CFAP206: variants seen among roughly 807,000 people sequenced by gnomAD.
The protein encoded by CFAP206 is cilia and flagella associated protein 206, also known as cilia- and flagella-associated protein 206.
A neutral mutation model predicts 65.4 loss-of-function variants in CFAP206; 53 were observed. The observed-to-expected ratio is 0.81, with a 90% CI of 0.65 to 1.02. The LOEUF (loss-of-function observed/expected upper bound fraction) is 1.02, where lower values mean the gene tolerates loss of function less well. Ranked by LOEUF, CFAP206 falls within the 50% of genes least tolerant of loss-of-function variation. The pLI, the probability that CFAP206 is intolerant of heterozygous loss-of-function variation, is 0.00. For synonymous variants in CFAP206, 250 were observed against 254.4 expected (o/e 0.98, Z 0.17); for missense variants, 663 against 753.2 (o/e 0.88, Z 1.40).
At position 87,423,248 on chromosome 6, in the gene CFAP206, A is replaced by T. The variant is rs924216600; in HGVS notation, c.841-3278A>T. Among the ~76,000 whole-genome samples, 16 of 117,422 alleles carry T rather than the reference A, an allele frequency of 1.4e-4. No homozygotes were observed. In the East Asian group the frequency reaches 1.7e-3, roughly 13 times the overall value. 77.0% of individuals were successfully genotyped at this position (117,422 alleles called of 152,430 possible). A position where few individuals can be genotyped will look rare whatever the true frequency, so the allele number is the denominator to read the frequency against. On this transcript the variant is annotated intron_variant, in intron 7 of 12. Transcript: ENST00000369562. ...AATATTTTTTTATTTTTATTTTTTTATTTTTCTTTTTTTTTTTTGAGACGG... is the reference window on the plus strand; with the variant it reads ...AATATTTTTTTATTTTTATTTTTTTTTTTTTCTTTTTTTTTTTTGAGACGG...
intron 11 of CFAP206, among the ~76,000 whole-genome samples, chr6:87,444,218 C>A (rs1244022416): frequency 6.6e-6 from 1 of 152,034 alleles, no homozygotes; most frequent in African/African-American, 2.4e-5. Context: ...ACGCTAATGG[C>A]AAACCACTGT....
rs781321836 is a variant in CFAP206, at chr6:87,428,626, C to T, written c.961C>T (p.Pro321Ser). ...KIAVPTSQVF[P>S]IFIALSTLWT... Reference sequence around the variant, plus strand: ...TGAATATTTTTTTTCTCTTCCTCAGCCTATCTTCATTGCACTTTCTACTCT... The same window carrying T: ...TGAATATTTTTTTTCTCTTCCTCAGTCTATCTTCATTGCACTTTCTACTCT... The change falls in exon 9 of 13, where the codon CCT becomes TCT. Residue 321 changes from proline (P) to serine (S), a missense_variant and splice_region_variant. Pro to Ser is a moderately conservative substitution (Grantham distance 74). Coordinates refer to ENST00000369562, the MANE Select transcript of CFAP206 (RefSeq NM_001031743.3). The T allele has an allele frequency of 3.7e-6, 6 of 1,613,600 alleles. No homozygotes were observed. Among genetic ancestry groups the T allele is most frequent in the East Asian group, 4.5e-5 (2 of 44,874 alleles).
At chr6:87,411,603 C>G (rs1302141352) in intron 3 of CFAP206, among the ~76,000 whole-genome samples, 1 of 151,882 alleles carries the variant, frequency 6.6e-6, no homozygotes, top group African/African-American at 2.4e-5. Context: ...AGGCCAATGC[C>G]CAGCCCCCTA....
At chr6:87,427,005 GATA>G (rs1245121137) in intron 8 of CFAP206, among the ~76,000 whole-genome samples, 1 of 152,290 alleles carries the variant, frequency 6.6e-6, no homozygotes, top group African/African-American at 2.4e-5. Flanking sequence ...TGAAAAGACA[GATA>G]ATAATCACTT....
intron 7 of CFAP206, chr6:87,425,830 CA>C (rs1053285426): frequency 1.3e-5 from 2 of 154,000 alleles, no homozygotes; most frequent in Non-Finnish European, 2.9e-5. Flanking sequence ...AATGGTTTTC[CA>C]GTTCATTTCA....
intron 11 of CFAP206, among the ~76,000 whole-genome samples, chr6:87,443,696 G>A (rs759699757): frequency 2.0e-5 from 3 of 152,160 alleles, no homozygotes; most frequent in African/African-American, 4.8e-5. Flanking sequence ...GCATGAAGCC[G>A]AGGCTTGGGG....
At chr6:87,433,164 T>C (rs1768187181) in intron 10 of CFAP206, among the ~76,000 whole-genome samples, 2 of 152,234 alleles carry the variant, frequency 1.3e-5, no homozygotes, top group Admixed American at 1.3e-4. Flanking sequence ...CCTCATTTTA[T>C]TCAGCCTTCC....
chr6:87,422,568 G>A (rs1465246619), intron 7 of CFAP206, among the ~76,000 whole-genome samples: 1 of 151,680 alleles, frequency 6.6e-6, no homozygotes, highest in East Asian at 1.9e-4. Flanking sequence ...TGACCAAGAT[G>A]GTGAAACCCC....
intron 11 of CFAP206, among the ~76,000 whole-genome samples, chr6:87,439,812 C>G (rs1225802181): frequency 3.3e-5 from 5 of 151,906 alleles, no homozygotes; most frequent in African/African-American, 1.2e-4. Context: ...CCTCACTGAT[C>G]TACAGTGTCT....
rs1375424388 is a variant in CFAP206, at chr6:87,426,550, GA to G, written c.867del (p.Val290TrpfsTer3). Reference sequence around the variant, plus strand: ...GTCAGATATAATTACTGGTGCTCAAGAAGTGGAAATGATGACAAAACAGTTA... The same window carrying G: ...GTCAGATATAATTACTGGTGCTCAAGAGTGGAAATGATGACAAAACAGTTA... Reference protein sequence around the residue: ...ILSDIITGAQEVEMMTKQLGA... With the variant: ...ILSDIITGAQXVEMMTKQLGA... On this transcript the variant is annotated frameshift_variant, in exon 8 of 13. Transcript: ENST00000369562. LOFTEE classifies it high-confidence loss of function. 1.9e-6 allele frequency: 3 copies of G among 1,588,836 alleles called. No homozygotes were observed. In the African/African-American group the frequency reaches 4.0e-5, roughly 21 times the overall value.
intron 9 of CFAP206, among the ~76,000 whole-genome samples, chr6:87,429,289 T>A (rs983423090): frequency 1.3e-5 from 2 of 150,164 alleles, no homozygotes; most frequent in Non-Finnish European, 1.5e-5. Context: ...ACAGAAAAAA[T>A]GTAAACTGAA....
chr6:87,463,751 C>G (rs563167436), intron 12 of CFAP206, among the ~76,000 whole-genome samples: 93 of 152,120 alleles, frequency 6.1e-4, no homozygotes, highest in African/African-American at 2.2e-3. Flanking sequence ...TAATAAATAA[C>G]TGGTTGAGTT....
rs1254377786 is a variant in CFAP206, at chr6:87,409,751, A to G, written c.-5-84A>G. The G allele has an allele frequency of 6.0e-6, 5 of 835,726 alleles. No homozygotes were observed. The East Asian group carries it at 1.3e-4, about 22-fold the overall frequency. The allele number at this position is 835,726 out of a possible 1,614,324, so 51.8% of individuals were successfully genotyped here. A position where few individuals can be genotyped will look rare whatever the true frequency, so the allele number is the denominator to read the frequency against. On this transcript the variant is annotated intron_variant, in intron 1 of 12. Transcript: ENST00000369562. ...GATGATATTATGACTGTTTACAAATACAATATTGCAGAAATCAAAAGAGGA... is the reference window on the plus strand; with the variant it reads ...GATGATATTATGACTGTTTACAAATGCAATATTGCAGAAATCAAAAGAGGA...
In CFAP206 at chr6:87,460,223, C is replaced by T. The variant is rs541023908; in HGVS notation, c.1495-799C>T. ...AATGTCATGTCCAGCACCATCATGT[C>T]TTGTTTAGCCTGGAATTAGTGAATT... On this transcript the variant is annotated intron_variant, in intron 11 of 12. Transcript: ENST00000369562. Among the ~76,000 whole-genome samples the T allele has an allele frequency of 6.6e-5, 10 of 152,284 alleles. No homozygotes were observed. The South Asian group carries it at 2.1e-3, about 32-fold the overall frequency.
intron 5 of CFAP206, among the ~76,000 whole-genome samples, chr6:87,416,357 AT>A (rs1767829578): frequency 1.3e-5 from 2 of 152,194 alleles, no homozygotes; most frequent in South Asian, 4.1e-4. Flanking sequence ...TTCTTCCATA[AT>A]TATTTTAAAG....
At chr6:87,422,109 A>T (rs566259238) in intron 7 of CFAP206, among the ~76,000 whole-genome samples, 16 of 152,274 alleles carry the variant, frequency 1.1e-4, no homozygotes, top group East Asian at 5.8e-4. Context: ...TTATGATAAA[A>T]TTTTTTTAAG....
intron 11 of CFAP206, among the ~76,000 whole-genome samples, chr6:87,450,159 A>C (rs1046658495): frequency 3.9e-5 from 6 of 152,002 alleles, no homozygotes; most frequent in Non-Finnish European, 7.4e-5. Context: ...TGGGTTCTGT[A>C]TTCTATTCTA....
intron 6 of CFAP206, among the ~76,000 whole-genome samples, chr6:87,417,869 T>C (rs62417641): frequency 2.6e-5 from 4 of 151,404 alleles, no homozygotes; most frequent in Non-Finnish European, 5.9e-5. Flanking sequence ...GATTCTCCTG[T>C]GCTGGGATTA....
chr6:87,441,797 C>A, intron 11 of CFAP206: 1 of 252,918 alleles, frequency 4.0e-6, no homozygotes. Flanking sequence ...GGTGAGAAGG[C>A]TTCATGAAAT....
Sources: allele counts gnomAD v4.1 joint callset (sites outside exome capture counted in the v4.1 genomes callset), GRCh38; gene constraint gnomAD v4.1.1; transcripts MANE v1.5; gene names NCBI Gene and HGNC (gene_info 2026-07-23, HGNC 2026-07-21).